Variants in AUTS2 observed in about 807,000 individuals in gnomAD.
AUTS2 encodes activator of transcription and developmental regulator AUTS2.
In AUTS2, 17 loss-of-function variants were observed where a neutral mutation model predicts 112.4. That is an observed-to-expected ratio of 0.15 (90% confidence interval 0.10 to 0.23). AUTS2 has a LOEUF of 0.23. Ranked by LOEUF, AUTS2 falls within the 10% of genes least tolerant of loss-of-function variation. The pLI is 1.00. For missense variants in AUTS2, 1,510 were observed against 1,701.6 expected, an observed-to-expected ratio of 0.89 and a Z score of 1.98; for synonymous variants, 751 against 702.7, an observed-to-expected ratio of 1.07 and a Z score of -1.09.
chr7:70,319,487 G>A lies in AUTS2; in HGVS notation c.661-116265G>A, dbSNP rs531820877. ...GATTTTTAAAAATAAATACTTTGGA[G>A]TATATCATGAGGTAGGATTACTGTA... is the stretch of plus-strand genomic sequence containing the variant. On this transcript the variant is annotated intron_variant, in intron 4 of 18. Transcript: ENST00000342771. Among the ~76,000 whole-genome samples the A allele has an allele frequency of 4.6e-5, 7 of 152,316 alleles. No homozygotes were observed. In the East Asian group the frequency reaches 9.6e-4, roughly 21 times the overall value.
At chr7:70,187,053 C>T (rs979846839) in intron 4 of AUTS2, among the ~76,000 whole-genome samples, 3 of 152,224 alleles carry the variant, frequency 2.0e-5, no homozygotes, top group Non-Finnish European at 4.4e-5. Context: ...GTAATCCATG[C>T]TCTTCTATGC....
chr7:70,749,587 A>G (rs532887875), intron 6 of AUTS2, among the ~76,000 whole-genome samples: 69 of 152,326 alleles, frequency 4.5e-4, no homozygotes, highest in African/African-American at 1.6e-3. Context: ...GGGCTGTGTG[A>G]TAGCCAGAAA....
chr7:70,733,260 C>T (rs1238573517), intron 6 of AUTS2, among the ~76,000 whole-genome samples: 2 of 152,164 alleles, frequency 1.3e-5, no homozygotes. Flanking sequence ...CTTCTCAGGA[C>T]TCTTGGAGAC....
chr7:70,123,600 A>G (rs1273858362), intron 3 of AUTS2, among the ~76,000 whole-genome samples: 1 of 152,144 alleles, frequency 6.6e-6, no homozygotes, highest in Non-Finnish European at 1.5e-5. Flanking sequence ...AACATGCAGT[A>G]TTTGGTTTTC....
intron 5 of AUTS2, among the ~76,000 whole-genome samples, chr7:70,453,664 G>T (rs1431935856): frequency 6.6e-6 from 1 of 152,176 alleles, no homozygotes; most frequent in Non-Finnish European, 1.5e-5. Context: ...GCTTCTGGTT[G>T]CCACCAGCAT....
chr7:69,886,155 C>T (rs998194417), intron 1 of AUTS2, among the ~76,000 whole-genome samples: 2 of 152,194 alleles, frequency 1.3e-5, no homozygotes, highest in East Asian at 3.9e-4. Context: ...AGATTGGTCT[C>T]TGCCCTTGAG....
At chr7:69,721,920 G>A (rs1383757684) in intron 1 of AUTS2, among the ~76,000 whole-genome samples, 1 of 152,020 alleles carries the variant, frequency 6.6e-6, no homozygotes. Context: ...GGGCCTGAGA[G>A]GTAGGGTTGG....
In AUTS2 at chr7:70,790,600, C is replaced by T. The variant is rs777719138; in HGVS notation, c.3384C>T (p.His1128=). ...AGCCTCACGACTACAGCCACCACCA[C>T]CACCACCACCACCACCCGCTGTCTG... The part of the protein sequence containing the change: ...DREPHDYSHH[H]HHHHHPLSVD... Residue 1128 remains histidine, a synonymous_variant, in exon 19 of 19, where the codon CAC becomes CAT. Transcript: ENST00000342771. The surrounding 1 kb of genome is among the most constrained non-coding windows in gnomAD (Gnocchi z 7.6). The T allele has an allele frequency of 1.0e-5, 16 of 1,604,546 alleles. No homozygotes were observed. In the South Asian group the frequency reaches 1.6e-4, roughly 16 times the overall value.
rs1245895168 is a variant in AUTS2 at position 70,465,252 on chromosome 7, T to C, written c.690+29471T>C. ...GAACCACTTGGCTCTGTGACATTTA[T>C]AGTGACATGGTTTGGAGAGGTCAGG... On this transcript the variant is annotated intron_variant, in intron 5 of 18. Transcript: ENST00000342771. 2.0e-5 allele frequency among the ~76,000 whole-genome samples: 3 copies of C among 152,184 alleles called. No homozygotes were observed. In the East Asian group the frequency reaches 5.8e-4, roughly 29 times the overall value.
intron 5 of AUTS2, among the ~76,000 whole-genome samples, chr7:70,448,094 G>A (rs1041408059): frequency 2.0e-5 from 3 of 152,166 alleles, no homozygotes; most frequent in Non-Finnish European, 4.4e-5. Flanking sequence ...TTCCATATTG[G>A]TGGATTCCGA....
intron 1 of AUTS2, among the ~76,000 whole-genome samples, chr7:69,883,879 C>A (rs1794162260): frequency 6.6e-6 from 1 of 152,190 alleles, no homozygotes; most frequent in South Asian, 2.1e-4. Context: ...AATATATACG[C>A]GTTTGCCAGT....
chr7:70,320,274 G>C (rs1790192331), intron 4 of AUTS2, among the ~76,000 whole-genome samples: 1 of 152,142 alleles, frequency 6.6e-6, no homozygotes, highest in Non-Finnish European at 1.5e-5. Context: ...TGCCACCCCA[G>C]TATCATCTTT....
intron 5 of AUTS2, among the ~76,000 whole-genome samples, chr7:70,602,455 A>G (rs773054257): frequency 6.6e-6 from 1 of 152,194 alleles, no homozygotes; most frequent in Non-Finnish European, 1.5e-5. Flanking sequence ...TTCTTAGTCT[A>G]TAAGTGGATC....
chr7:69,824,269 C>T (rs577651504), intron 1 of AUTS2, among the ~76,000 whole-genome samples: 6 of 151,984 alleles, frequency 3.9e-5, no homozygotes, highest in South Asian at 2.1e-4. Flanking sequence ...AAAAATTAGT[C>T]GGGCATGGTG....
rs201687344 is a variant in AUTS2, at chr7:69,935,058, TA to T, written c.522+35563del. Among the ~76,000 whole-genome samples the T allele has an allele frequency of 8.0e-3, 1,224 of 152,304 alleles. 29 individuals carry two copies. Among genetic ancestry groups the T allele is most frequent in the East Asian group, 0.061 (316 of 5,186 alleles). On this transcript the variant is annotated intron_variant, in intron 2 of 18. Transcript: ENST00000342771. ...ACAACAGATGTTGTTAGGCACCCAC[TA>T]AAGATCCCCAGGAAGGGTCCCTGCC...
At chr7:69,964,168 G>A (rs1013910854) in intron 2 of AUTS2, among the ~76,000 whole-genome samples, 2 of 152,046 alleles carry the variant, frequency 1.3e-5, no homozygotes, top group Non-Finnish European at 2.9e-5. Context: ...GTCTTCTCAG[G>A]GAGACTCTTC....
chr7:70,333,148 A>T (rs1790834819), intron 4 of AUTS2, among the ~76,000 whole-genome samples: 1 of 152,266 alleles, frequency 6.6e-6, no homozygotes, highest in Non-Finnish European at 1.5e-5. Flanking sequence ...AAGTGGGCGA[A>T]GGATCTGAAC....
chr7:69,867,833 G>A (rs142049652), intron 1 of AUTS2, among the ~76,000 whole-genome samples: 1 of 151,868 alleles, frequency 6.6e-6, no homozygotes, highest in African/African-American at 2.4e-5. Flanking sequence ...TTTGAAATAG[G>A]CGCAGTGCCA....
rs116389240 is a variant in AUTS2 at position 70,106,817 on chromosome 7, G to A, written c.523-11315G>A. Among the ~76,000 whole-genome samples the A allele has an allele frequency of 2.6e-5, 4 of 152,110 alleles. No homozygotes were observed. In the East Asian group the frequency reaches 5.8e-4, roughly 22 times the overall value. Reference sequence around the variant, plus strand: ...TTTTATTATTAAGAAATCAGTGATTGTTAGTACACATTTTAAAAGCTTTCT... The same window carrying A: ...TTTTATTATTAAGAAATCAGTGATTATTAGTACACATTTTAAAAGCTTTCT... On this transcript the variant is annotated intron_variant, in intron 2 of 18. Coordinates refer to ENST00000342771, the MANE Select transcript of AUTS2 (RefSeq NM_015570.4).
Sources: gnomAD v4.1 joint callset for allele counts (sites outside exome capture counted in the v4.1 genomes callset) on GRCh38, gnomAD v4.1.1 for gene constraint, Gnocchi (gnomAD v3.1) non-coding constraint, MANE v1.5 for transcripts, NCBI Gene and HGNC (gene_info 2026-07-23, HGNC 2026-07-21) for gene names.